The following ALDH9A1 variants were observed in gnomAD, a reference collection of about 807,000 sequenced individuals.
ALDH9A1 encodes aldehyde dehydrogenase 9 family member A1.
A neutral mutation model predicts 56.6 loss-of-function variants in ALDH9A1; 42 were observed. The ratio of observed to expected loss-of-function variants is 0.74; its 90% CI spans 0.58 to 0.96. ALDH9A1 has a LOEUF of 0.96. Ranked by LOEUF, ALDH9A1 falls within the 40% of genes least tolerant of loss-of-function variation. The probability of loss-of-function intolerance (pLI) is 0.00; values close to 1 mark genes in which losing one functional copy is unlikely to be tolerated. For missense variants in ALDH9A1, 661 were observed against 651.5 expected, an observed-to-expected ratio of 1.01 and a Z score of -0.16; for synonymous variants, 242 against 236.0, an observed-to-expected ratio of 1.03 and a Z score of -0.23.
chr1:165,669,438 C>A lies in ALDH9A1; in HGVS notation c.943G>T (p.Gly315Cys). 6.2e-7 allele frequency: 1 copy of A among 1,610,926 alleles called. No individual in the cohort carries two copies. ...FLTQGQVCCN[G>C]TRVFVQKEIL... is the part of the protein sequence containing the mutation. Reference sequence around the variant, plus strand: ...TCTTTCTGCACAAATACTCTTGTGCCATTACAGCAAACCTAAAGGACAAAC... The same window carrying A: ...TCTTTCTGCACAAATACTCTTGTGCAATTACAGCAAACCTAAAGGACAAAC... Residue 315 changes from glycine to cysteine, a missense_variant, in exon 7 of 11, where the codon GGC (glycine) becomes TGC (cysteine). Coordinates refer to ENST00000354775, the MANE Select transcript of ALDH9A1 (RefSeq NM_000696.4).
chr1:165,664,438 G>A (rs1392227050), intron 10 of ALDH9A1, among the ~76,000 whole-genome samples: 2 of 152,302 alleles, frequency 1.3e-5, no homozygotes, highest in South Asian at 2.1e-4. Flanking sequence ...ATATGTTGTG[G>A]TAACATATGT....
chr1:165,683,184 C>T (rs2101749361), intron 2 of ALDH9A1, 74 bp from the exon 3 acceptor site: 1 of 1,449,372 alleles, frequency 6.9e-7, no homozygotes, highest in South Asian at 1.2e-5. Flanking sequence ...TTAAATAGAA[C>T]ACACTGCTCA....
At chr1:165,680,372 C>G in intron 5 of ALDH9A1, 115 bp downstream of exon 5, 1 of 1,123,318 alleles carries the variant, frequency 8.9e-7, no homozygotes, top group Non-Finnish European at 1.3e-6. Flanking sequence ...CCTTCCCATT[C>G]CCAATTCAGG....
At chr1:165,692,289 T>C (rs1005572621) in intron 2 of ALDH9A1, among the ~76,000 whole-genome samples, 2 of 152,220 alleles carry the variant, frequency 1.3e-5, no homozygotes, top group South Asian at 2.1e-4. Flanking sequence ...TGTTTGCAGA[T>C]GACATGATTG....
chr1:165,663,089 A>G lies in ALDH9A1; in HGVS notation c.1518T>C (p.Thr506=). Reference sequence around the variant, plus strand: ...CCACATCACCCATCTCCACACACACAGTCTTCAGCTGTGAATAATATTCGA... The same window carrying G: ...CCACATCACCCATCTCCACACACACGGTCTTCAGCTGTGAATAATATTCGA... ...VTIEYYSQLK[T]VCVEMGDVES... Residue 506 remains threonine, a synonymous_variant, in exon 11 of 11, where the codon ACT becomes ACC. Coordinates refer to ENST00000354775, the MANE Select transcript of ALDH9A1 (RefSeq NM_000696.4). 6.2e-7 allele frequency: 1 copy of G among 1,614,068 alleles called. No individual in the cohort carries two copies. The highest frequency in any genetic ancestry group is 8.5e-7 in the Non-Finnish European group (1 of 1,179,946).
intron 6 of ALDH9A1, chr1:165,671,466 C>G (rs941126264): frequency 3.8e-5 from 17 of 445,028 alleles, no homozygotes; most frequent in South Asian, 2.0e-4. Context: ...TGCACAAGTA[C>G]GATTTGTGAC....
chr1:165,681,259 C>T (rs865926363), intron 4 of ALDH9A1, among the ~76,000 whole-genome samples: 9 of 152,224 alleles, frequency 5.9e-5, no homozygotes, highest in Admixed American at 6.5e-5. Flanking sequence ...CCCAGTCTCA[C>T]ATTTGCATAT....
chr1:165,677,436 A>T (rs187818993), intron 6 of ALDH9A1, among the ~76,000 whole-genome samples: 1 of 152,338 alleles, frequency 6.6e-6, no homozygotes, highest in East Asian at 1.9e-4. Context: ...GAGCACAGCC[A>T]GGGGAAGTAT....
intron 4 of ALDH9A1, among the ~76,000 whole-genome samples, chr1:165,680,940 G>A (rs1033617011): frequency 6.6e-6 from 1 of 152,192 alleles, no homozygotes; most frequent in Admixed American, 6.5e-5. Flanking sequence ...AATCATGGCG[G>A]GAGGTGAAAG....
At chr1:165,665,955 C>T (rs1486394228) in intron 9 of ALDH9A1, among the ~76,000 whole-genome samples, 1 of 152,046 alleles carries the variant, frequency 6.6e-6, no homozygotes, top group African/African-American at 2.4e-5. Context: ...GGCCTGTACA[C>T]ATATGTTCAT....
At chr1:165,680,465 C>G in intron 5 of ALDH9A1, 22 bp downstream of exon 5, 1 of 1,612,212 alleles carries the variant, frequency 6.2e-7, no homozygotes, top group Non-Finnish European at 8.5e-7. Context: ...TGTGTGTTGA[C>G]CAATACTGGT....
chr1:165,689,057 A>G (rs1046085222), intron 2 of ALDH9A1, among the ~76,000 whole-genome samples: 2 of 152,234 alleles, frequency 1.3e-5, no homozygotes, highest in Non-Finnish European at 2.9e-5. Context: ...TCCTAACAAT[A>G]AAGGAGCCAA....
intron 4 of ALDH9A1, 80 bp downstream of exon 4, chr1:165,682,027 G>A: frequency 1.3e-6 from 2 of 1,547,940 alleles, no homozygotes; most frequent in South Asian, 2.4e-5. Context: ...TTTATAGAGA[G>A]GTGAAAGGTA....
At chr1:165,669,117 A>G in intron 7 of ALDH9A1, 104 bp from the exon 8 acceptor site, 79 of 1,325,076 alleles carry the variant, frequency 6.0e-5, no homozygotes, top group Non-Finnish European at 8.0e-5. Flanking sequence ...TTCCCAGTGC[A>G]GGTACAAAGC....
intron 5 of ALDH9A1, among the ~76,000 whole-genome samples, chr1:165,680,140 C>T (rs1325228855): frequency 1.3e-5 from 2 of 152,182 alleles, no homozygotes; most frequent in Non-Finnish European, 2.9e-5. Context: ...AATAATGGAT[C>T]TGAAATAGCC....
Position 165,698,552 on chromosome 1 carries a change from G to C in ALDH9A1, c.7C>G (p.Leu3Val), listed in dbSNP as rs1160015495. 6 of 1,605,300 alleles carry C rather than the reference G, an allele frequency of 3.7e-6. No homozygotes were observed. Among genetic ancestry groups the C allele is most frequent in the Non-Finnish European group, 5.1e-6 (6 of 1,177,300 alleles). Residue 3 changes from leucine (L) to valine (V), a missense_variant, in exon 1 of 11, where the codon CTC becomes GTC. Coordinates refer to ENST00000354775, the MANE Select transcript of ALDH9A1 (RefSeq NM_000696.4). ...GAGAGCGCGGCCAGGCCTGCTCGGAGAAACATGAGTGGCGGACGCAGCTCC... is the reference window on the plus strand; with the variant it reads ...GAGAGCGCGGCCAGGCCTGCTCGGACAAACATGAGTGGCGGACGCAGCTCC... Reference protein sequence around the residue: MFLRAGLAALSPL... With the variant: MFVRAGLAALSPL...
intron 2 of ALDH9A1, among the ~76,000 whole-genome samples, chr1:165,691,770 AAG>A (rs199678981): frequency 0.031 from 4,737 of 152,354 alleles, 86 homozygotes; most frequent in Non-Finnish European, 0.046. Context: ...ATAACAAAAA[AAG>A]AGAATTTTAG....
chr1:165,679,779 C>A (rs1221677533), intron 5 of ALDH9A1, among the ~76,000 whole-genome samples, 197 bp from the exon 6 acceptor site: 1 of 152,146 alleles, frequency 6.6e-6, no homozygotes, highest in African/African-American at 2.4e-5. Flanking sequence ...GTTGCACTGA[C>A]ATTAGAAGAG....
At chr1:165,694,825 A>C (rs927664423) in intron 2 of ALDH9A1, among the ~76,000 whole-genome samples, 2 of 152,020 alleles carry the variant, frequency 1.3e-5, no homozygotes, top group Admixed American at 1.3e-4. Context: ...GCATGGTGGC[A>C]CACACCTGTA....
Sources: gnomAD v4.1 joint callset for allele counts (sites outside exome capture counted in the v4.1 genomes callset) on GRCh38, gnomAD v4.1.1 for gene constraint, MANE v1.5 for transcripts, NCBI Gene and HGNC (gene_info 2026-07-23, HGNC 2026-07-21) for gene names.